HTR7: variants seen among roughly 807,000 people sequenced by gnomAD.
The protein encoded by HTR7 is 5-HT-7.
Under a neutral mutation model 34.0 loss-of-function variants are expected in HTR7, and 16 were observed. That is an observed-to-expected ratio of 0.47 (90% CI 0.32 to 0.71). The LOEUF is 0.71. Among genes scored for constraint, HTR7 ranks in the 30% least tolerant of loss-of-function variants. HTR7 has a pLI of 0.04. For missense variants in HTR7, 504 were observed against 625.5 expected, an observed-to-expected ratio of 0.81 and a Z score of 2.07; for synonymous variants, 265 against 260.2, an observed-to-expected ratio of 1.02 and a Z score of -0.18.
intron 1 of HTR7, among the ~76,000 whole-genome samples, chr10:90,815,082 TTG>T (rs1225728679): frequency 7.3e-6 from 1 of 137,184 alleles, no homozygotes; most frequent in African/African-American, 3.0e-5. Flanking sequence ...GATTTTTTTT[TTG>T]TTTTTTTTTT....
At chr10:90,802,120 C>A (rs1845637055) in intron 1 of HTR7, among the ~76,000 whole-genome samples, 1 of 152,202 alleles carries the variant, frequency 6.6e-6, no homozygotes, top group African/African-American at 2.4e-5. Flanking sequence ...AGACCGGTGT[C>A]TGTTTAGACA....
intron 2 of HTR7, among the ~76,000 whole-genome samples, chr10:90,744,158 T>C (rs535730099): frequency 7.3e-5 from 11 of 151,590 alleles, no homozygotes; most frequent in Admixed American, 3.9e-4. Flanking sequence ...GAGTCCAGAA[T>C]CTGCACGGTG....
chr10:90,809,958 C>T (rs576296450), intron 1 of HTR7, among the ~76,000 whole-genome samples: 1 of 152,170 alleles, frequency 6.6e-6, no homozygotes, highest in Non-Finnish European at 1.5e-5. Context: ...CTTCGGGTAA[C>T]CTTCACAGTG....
intron 1 of HTR7, among the ~76,000 whole-genome samples, chr10:90,819,171 A>G (rs922023258): frequency 6.6e-6 from 1 of 152,208 alleles, no homozygotes; most frequent in Admixed American, 6.5e-5. Flanking sequence ...ATGAAGTAAG[A>G]GATATTAAAA....
chr10:90,806,287 CAGCTGTGCTG>C (rs1845705215), intron 1 of HTR7, among the ~76,000 whole-genome samples: 1 of 152,130 alleles, frequency 6.6e-6, no homozygotes, highest in Non-Finnish European at 1.5e-5. Flanking sequence ...TATGGAGCTG[CAGCTGTGCTG>C]TATTAAGTTC....
At position 90,857,664 on chromosome 10, in the gene HTR7, T is replaced by C; in HGVS notation, c.8A>G (p.Asp3Gly). MM[D>G]VNSSGRPDLY... is the part of the protein sequence containing the mutation. ...GTCCGGGCGGCCGCTGCTGTTAACG[T>C]CCATCATCGCGCCGCCGTGTGCCGC... is the stretch of plus-strand genomic sequence containing the variant. The change falls in exon 1 of 4, where the codon GAC becomes GGC. Residue 3 changes from aspartate (D) to glycine (G), a missense_variant. Physicochemically the swap from Asp to Gly is moderately conservative, Grantham distance 94. Coordinates refer to ENST00000336152, the MANE Select transcript of HTR7 (RefSeq NM_019859.4). The surrounding 1 kb of genome is among the most constrained non-coding windows in gnomAD (Gnocchi z 6.5). 1 of 1,573,238 alleles carries C rather than the reference T, an allele frequency of 6.4e-7. No individual in the cohort carries two copies. Among genetic ancestry groups the C allele is most frequent in the South Asian group, 1.2e-5 (1 of 86,662 alleles).
intron 1 of HTR7, among the ~76,000 whole-genome samples, chr10:90,761,881 A>G: frequency 6.6e-6 from 1 of 152,196 alleles, no homozygotes; most frequent in Non-Finnish European, 1.5e-5. Flanking sequence ...GAGATTATGC[A>G]GTATTTGTCT....
At position 90,857,533 on chromosome 10, in the gene HTR7, GCGGCGCCCAGGAGCCCGCGACCGGGT is replaced by G. The variant is rs1436175377; in HGVS notation, c.113_138del (p.Asp38AlafsTer110). The G allele has an allele frequency of 1.9e-6, 3 of 1,606,328 alleles. No homozygotes were observed. In the African/African-American group the frequency reaches 4.0e-5, roughly 21 times the overall value. ...CTGGCTGTCACCTCGCTCAGCAGGT[GCGGCGCCCAGGAGCCCGCGACCGGGT>G]CGGCGCCACCGTCGGGGCTCAAGTC... is the stretch of plus-strand genomic sequence containing the variant. On this transcript the variant is annotated frameshift_variant, in exon 1 of 4. Transcript: ENST00000336152. LOFTEE classifies it high-confidence loss of function. The surrounding 1 kb of genome is among the most constrained non-coding windows in gnomAD (Gnocchi z 6.5).
At chr10:90,839,896 T>C (rs1248802964) in intron 1 of HTR7, among the ~76,000 whole-genome samples, 1 of 152,132 alleles carries the variant, frequency 6.6e-6, no homozygotes, top group African/African-American at 2.4e-5. Context: ...TAAAGCAGTA[T>C]CTATAACCTA....
rs189681125 is a variant in HTR7 at position 90,806,326 on chromosome 10, C to T, written c.539+50807G>A. On this transcript the variant is annotated intron_variant, in intron 1 of 3. Coordinates refer to ENST00000336152, the MANE Select transcript of HTR7 (RefSeq NM_019859.4). ...TAAGTTCCTAAAGGTAGGCTGGGCG[C>T]GGTGGCTCACGCCTGTAATCCCAAC... Among the ~76,000 whole-genome samples, 267 of 152,256 alleles carry T rather than the reference C, an allele frequency of 1.8e-3. 2 individuals carry two copies. The highest frequency in any genetic ancestry group is 6.1e-3 in the African/African-American group (254 of 41,556).
chr10:90,773,307 T>C (rs1056753428), intron 1 of HTR7, among the ~76,000 whole-genome samples: 10 of 152,194 alleles, frequency 6.6e-5, no homozygotes, highest in Admixed American at 5.2e-4. Flanking sequence ...TTTTCCTCTA[T>C]AGGTGTCATT....
chr10:90,769,052 C>A (rs945772946), intron 1 of HTR7, among the ~76,000 whole-genome samples: 1 of 152,182 alleles, frequency 6.6e-6, no homozygotes, highest in African/African-American at 2.4e-5. Context: ...CAAAAAAAAT[C>A]CTGCAATTAC....
At chr10:90,794,671 T>A (rs897424314) in intron 1 of HTR7, among the ~76,000 whole-genome samples, 16 of 151,950 alleles carry the variant, frequency 1.1e-4, no homozygotes, top group Admixed American at 6.6e-4. Flanking sequence ...TGGCTATTTT[T>A]TTATTATTAT....
chr10:90,754,193 G>C (rs914750021), intron 1 of HTR7, among the ~76,000 whole-genome samples: 4 of 151,976 alleles, frequency 2.6e-5, no homozygotes, highest in African/African-American at 9.7e-5. Context: ...ATCTTACATT[G>C]TTTTATTTGA....
intron 1 of HTR7, among the ~76,000 whole-genome samples, chr10:90,818,495 G>A (rs531144742): frequency 2.6e-5 from 4 of 152,152 alleles, no homozygotes; most frequent in Admixed American, 6.5e-5. Flanking sequence ...GCAGTGAGCC[G>A]AGATCGCACC....
At chr10:90,808,418 C>A (rs770833355) in intron 1 of HTR7, among the ~76,000 whole-genome samples, 1 of 152,132 alleles carries the variant, frequency 6.6e-6, no homozygotes, top group Non-Finnish European at 1.5e-5. Flanking sequence ...TCATCCTTAG[C>A]GGCAAGTCCT....
chr10:90,783,410 A>C (rs1380532195), intron 1 of HTR7, among the ~76,000 whole-genome samples: 2 of 152,114 alleles, frequency 1.3e-5, no homozygotes, highest in Non-Finnish European at 2.9e-5. Flanking sequence ...CTGCCTCCAG[A>C]ATGCAGCCTT....
chr10:90,748,777 C>T, intron 2 of HTR7, 62 bp downstream of exon 2: 1 of 1,498,260 alleles, frequency 6.7e-7, no homozygotes, highest in Non-Finnish European at 9.0e-7. Flanking sequence ...CTGTGATGTG[C>T]CTCAAAAAGC....
intron 1 of HTR7, among the ~76,000 whole-genome samples, chr10:90,760,256 GAAAGTT>G (rs1589438955): frequency 6.6e-6 from 1 of 152,218 alleles, no homozygotes; most frequent in African/African-American, 2.4e-5. Context: ...GCCAGGTACA[GAAAGTT>G]AAACACCACA....
Sources: allele counts gnomAD v4.1 joint callset (sites outside exome capture counted in the v4.1 genomes callset), GRCh38; gene constraint gnomAD v4.1.1; non-coding constraint Gnocchi (gnomAD v3.1); transcripts MANE v1.5; gene names NCBI Gene and HGNC (gene_info 2026-07-23, HGNC 2026-07-21).